Variants in RALB observed in about 807,000 individuals in gnomAD.
The protein encoded by RALB is ras-related protein Ral-B.
In RALB, 16 loss-of-function variants were observed where a neutral mutation model predicts 21.3. That is an observed-to-expected ratio of 0.75 (90% CI 0.51 to 1.14). The LOEUF (loss-of-function observed/expected upper bound fraction) is 1.14. Ranked by LOEUF, RALB falls within the 50% of genes most tolerant of loss-of-function variation. The pLI is 0.00. For missense variants in RALB, 161 were observed against 256.2 expected (o/e 0.63, Z 2.54); for synonymous variants, 93 against 96.1 (o/e 0.97, Z 0.19).
intron 1 of RALB, 25 bp downstream of exon 1, chr2:120,253,005 C>G: frequency 1.0e-6 from 1 of 984,426 alleles, no homozygotes; most frequent in Non-Finnish European, 1.2e-6. Flanking sequence ...CCCGCGGGCC[C>G]CGGGCGGGGT....
At chr2:120,268,829 G>A (rs996378512) in intron 1 of RALB, among the ~76,000 whole-genome samples, 4 of 152,116 alleles carry the variant, frequency 2.6e-5, no homozygotes, top group Non-Finnish European at 2.9e-5. Flanking sequence ...TTATCAGAAT[G>A]CTTTAGAACA....
At chr2:120,250,850 A>G (rs1573317952), upstream of RALB, among the ~76,000 whole-genome samples, 1 of 152,274 alleles carries the variant, frequency 6.6e-6, no homozygotes, top group East Asian at 1.9e-4. Flanking sequence ...CAGCCCCGCC[A>G]AAAGGGTCCT....
chr2:120,284,357 T>C (rs899627702), intron 2 of RALB, among the ~76,000 whole-genome samples: 8 of 152,188 alleles, frequency 5.3e-5, no homozygotes, highest in Non-Finnish European at 1.0e-4. Flanking sequence ...CACAGCCTTA[T>C]TAAGATGTAA....
At chr2:120,291,922 TGGCCATGAA>T (rs1690314171) in intron 4 of RALB, among the ~76,000 whole-genome samples, 1 of 152,082 alleles carries the variant, frequency 6.6e-6, no homozygotes, top group Non-Finnish European at 1.5e-5. Context: ...GAAGAAGGTG[TGGCCATGAA>T]GGAGCTTGTG....
intron 1 of RALB, among the ~76,000 whole-genome samples, chr2:120,245,051 G>A (rs989516476): frequency 7.9e-5 from 12 of 152,232 alleles, no homozygotes; most frequent in Non-Finnish European, 1.6e-4. Context: ...AGGGAGAGCC[G>A]TGGGACCTTC....
chr2:120,252,673 C>A (rs60898139), upstream of RALB: 1,408 of 580,814 alleles, frequency 2.4e-3, 15 homozygotes, highest in African/African-American at 0.027. Flanking sequence ...GTGCCTGGGG[C>A]AGCTTCTCAT....
At chr2:120,282,714 G>T (rs1690023006) in intron 2 of RALB, among the ~76,000 whole-genome samples, 1 of 152,178 alleles carries the variant, frequency 6.6e-6, no homozygotes, top group Non-Finnish European at 1.5e-5. Context: ...TTGAGAACTG[G>T]AAAGTGGCAG....
upstream of RALB, among the ~76,000 whole-genome samples, chr2:120,249,034 CTT>C (rs34646056): frequency 0.017 from 2,277 of 136,706 alleles, 31 homozygotes; most frequent in African/African-American, 0.046. Context: ...TTGTGTTAGT[CTT>C]TTTTTTTTTT....
chr2:120,269,009 T>G (rs1040944731), intron 1 of RALB, among the ~76,000 whole-genome samples: 3 of 152,238 alleles, frequency 2.0e-5, no homozygotes, highest in African/African-American at 7.2e-5. Context: ...CATTGCCATT[T>G]TGTACCTCCT....
intron 3 of RALB, among the ~76,000 whole-genome samples, chr2:120,286,666 C>T (rs1246929706): frequency 6.6e-6 from 1 of 152,202 alleles, no homozygotes; most frequent in Admixed American, 6.5e-5. Flanking sequence ...GTTTCTTTCT[C>T]TGGAAATGCA....
At chr2:120,282,675 T>TA (rs1690021510) in intron 2 of RALB, among the ~76,000 whole-genome samples, 1 of 152,188 alleles carries the variant, frequency 6.6e-6, no homozygotes, top group Admixed American at 6.5e-5. Flanking sequence ...TGCCTGGCCT[T>TA]AGTCTGTTTT....
At chr2:120,279,739 G>A (rs543175641) in intron 2 of RALB, among the ~76,000 whole-genome samples, 215 of 152,282 alleles carry the variant, frequency 1.4e-3, no homozygotes, top group African/African-American at 5.1e-3. Flanking sequence ...AAACCTCAGG[G>A]CCTCTCACTT....
chr2:120,290,644 T>TTTTTA (rs397772827), intron 4 of RALB, among the ~76,000 whole-genome samples: 2 of 151,886 alleles, frequency 1.3e-5, no homozygotes, highest in African/African-American at 4.8e-5. Context: ...TTTTTTTTTT[T>TTTTTA]ATCTCTTATC....
upstream of RALB, chr2:120,252,722 AT>A (rs1349822721): frequency 1.0e-6 from 1 of 956,514 alleles, no homozygotes; most frequent in African/African-American, 1.8e-5. Flanking sequence ...TGCTTGGAAA[AT>A]CAGCCTCGGA....
intron 4 of RALB, among the ~76,000 whole-genome samples, chr2:120,291,265 G>A (rs1198593370): frequency 1.2e-4 from 18 of 152,142 alleles, no homozygotes; most frequent in East Asian, 1.9e-4. Flanking sequence ...ACCTAAGTCC[G>A]TTTAGTTGTA....
At chr2:120,256,122 G>A (rs1311313476) in intron 1 of RALB, among the ~76,000 whole-genome samples, 1 of 152,180 alleles carries the variant, frequency 6.6e-6, no homozygotes, top group Non-Finnish European at 1.5e-5. Context: ...GCTTGGCTGG[G>A]TGCTTCTGGC....
At chr2:120,265,483 T>A (rs867114238) in intron 1 of RALB, among the ~76,000 whole-genome samples, 7 of 152,220 alleles carry the variant, frequency 4.6e-5, no homozygotes, top group African/African-American at 1.7e-4. Flanking sequence ...TTCTCTCAGG[T>A]CTTTGTTTTA....
At chr2:120,285,838 G>A (rs1374248709) in intron 2 of RALB, 36 bp from the exon 3 acceptor site, 42 of 1,581,968 alleles carry the variant, frequency 2.7e-5, no homozygotes, top group Non-Finnish European at 3.3e-5. Flanking sequence ...TTCCCCTTAA[G>A]ACTTTGTTAA....
chr2:120,241,576 A>T (rs1312201028), intron 1 of RALB, among the ~76,000 whole-genome samples: 1 of 152,108 alleles, frequency 6.6e-6, no homozygotes, highest in African/African-American at 2.4e-5. Flanking sequence ...AAATATAAAA[A>T]TTATCTGGGC....
Sources: allele counts gnomAD v4.1 joint callset (sites outside exome capture counted in the v4.1 genomes callset), GRCh38; gene constraint gnomAD v4.1.1; transcripts MANE v1.5; gene names NCBI Gene and HGNC (gene_info 2026-07-23, HGNC 2026-07-21).